The following CPA6 variants were observed in gnomAD, a reference collection of about 807,000 sequenced individuals.
CPA6 encodes the protein carboxypeptidase A6.
CPA6 carries 58 observed loss-of-function variants against 63.3 expected under a neutral mutation model. The ratio of observed to expected loss-of-function variants is 0.92; its 90% CI spans 0.74 to 1.14. The LOEUF (loss-of-function observed/expected upper bound fraction) is 1.14. CPA6 is among the 50% of genes most tolerant of loss of function. The pLI is 0.00. For missense variants in CPA6, 565 were observed against 526.6 expected, an observed-to-expected ratio of 1.07 and a Z score of -0.71; for synonymous variants, 185 against 179.0, an observed-to-expected ratio of 1.03 and a Z score of -0.27.
intron 1 of CPA6, among the ~76,000 whole-genome samples, chr8:67,734,141 G>C (rs1817769658): frequency 6.6e-6 from 1 of 151,644 alleles, no homozygotes; most frequent in African/African-American, 2.4e-5. Flanking sequence ...GCCTCTCAAA[G>C]TACTGGGATT....
At chr8:67,657,874 C>A (rs142531435) in intron 1 of CPA6, among the ~76,000 whole-genome samples, 30 of 152,260 alleles carry the variant, frequency 2.0e-4, no homozygotes, top group African/African-American at 7.2e-4. Context: ...CCAGGAGAGG[C>A]TTTGTGAGAT....
chr8:67,627,049 A>C (rs1815208383), intron 1 of CPA6, among the ~76,000 whole-genome samples: 1 of 152,146 alleles, frequency 6.6e-6, no homozygotes, highest in Non-Finnish European at 1.5e-5. Context: ...AGAAATTCTC[A>C]GGTGTGACTT....
intron 2 of CPA6, chr8:67,569,548 C>A: frequency 4.3e-6 from 2 of 463,460 alleles, no homozygotes; most frequent in Non-Finnish European, 8.9e-6. Context: ...AAATTCCACA[C>A]AGGCAACGAC....
intron 6 of CPA6, among the ~76,000 whole-genome samples, chr8:67,495,039 A>G (rs927468434): frequency 3.3e-5 from 5 of 152,174 alleles, no homozygotes; most frequent in Non-Finnish European, 7.3e-5. Context: ...CCCATTATCC[A>G]GTATCCACGG....
intron 8 of CPA6, among the ~76,000 whole-genome samples, chr8:67,449,395 A>C (rs1488504481): frequency 6.6e-6 from 1 of 152,252 alleles, no homozygotes; most frequent in Non-Finnish European, 1.5e-5. Flanking sequence ...GGCAAGAGAC[A>C]GTTCCCTTGC....
chr8:67,689,788 C>G (rs1386741658), intron 1 of CPA6, among the ~76,000 whole-genome samples: 1 of 152,132 alleles, frequency 6.6e-6, no homozygotes, highest in Non-Finnish European at 1.5e-5. Flanking sequence ...TGGGTATATA[C>G]CCAGTAATGG....
chr8:67,623,223 A>C (rs1033839815), intron 2 of CPA6, among the ~76,000 whole-genome samples: 1 of 152,232 alleles, frequency 6.6e-6, no homozygotes, highest in Non-Finnish European at 1.5e-5. Context: ...GAAGCTCTAG[A>C]AAACAGGAAA....
At chr8:67,630,459 A>G (rs1451281902) in intron 1 of CPA6, among the ~76,000 whole-genome samples, 1 of 152,120 alleles carries the variant, frequency 6.6e-6, no homozygotes, top group Non-Finnish European at 1.5e-5. Context: ...TTTCTTGTCA[A>G]AGTTATAGCA....
At chr8:67,672,106 A>G (rs1307919482) in intron 1 of CPA6, among the ~76,000 whole-genome samples, 1 of 152,174 alleles carries the variant, frequency 6.6e-6, no homozygotes, top group East Asian at 1.9e-4. Flanking sequence ...CTGGGATTAC[A>G]GGTGTGAGCC....
intron 2 of CPA6, among the ~76,000 whole-genome samples, chr8:67,575,625 G>A (rs560201330): frequency 6.6e-6 from 1 of 152,334 alleles, no homozygotes; most frequent in East Asian, 1.9e-4. Context: ...GGGAGGCCAA[G>A]GCGAGAGGAT....
chr8:67,428,685 G>A (rs1303989831), intron 9 of CPA6, among the ~76,000 whole-genome samples: 1 of 152,096 alleles, frequency 6.6e-6, no homozygotes, highest in Non-Finnish European at 1.5e-5. Context: ...GGGTTTCACC[G>A]TGTTAGCCAG....
At chr8:67,530,374 G>A (rs1321663988) in intron 2 of CPA6, among the ~76,000 whole-genome samples, 2 of 152,152 alleles carry the variant, frequency 1.3e-5, no homozygotes, top group Non-Finnish European at 2.9e-5. Context: ...GAAAGGGGCT[G>A]TTGAGTTCAC....
chr8:67,626,427 T>C (rs1028692789), intron 1 of CPA6, among the ~76,000 whole-genome samples: 2 of 152,172 alleles, frequency 1.3e-5, no homozygotes, highest in Non-Finnish European at 2.9e-5. Context: ...TGATAATAAA[T>C]TACTGTTTTA....
At chr8:67,596,101 C>T (rs189875765) in intron 2 of CPA6, among the ~76,000 whole-genome samples, 3 of 152,322 alleles carry the variant, frequency 2.0e-5, no homozygotes, top group Admixed American at 1.3e-4. Flanking sequence ...TCTCAACAAT[C>T]TTTAATTTTT....
chr8:67,469,893 C>T (rs568331785), intron 8 of CPA6, among the ~76,000 whole-genome samples: 1 of 152,266 alleles, frequency 6.6e-6, no homozygotes, highest in East Asian at 1.9e-4. Flanking sequence ...ATTCTAATCT[C>T]AGTGATTTGA....
chr8:67,538,135 G>T (rs751636587), intron 2 of CPA6, among the ~76,000 whole-genome samples: 3 of 152,196 alleles, frequency 2.0e-5, no homozygotes, highest in Non-Finnish European at 4.4e-5. Context: ...TAAATGTGAC[G>T]TGGTGCTGAG....
Position 67,484,798 on chromosome 8 carries a change from C to A in CPA6, c.637-9G>T. On this transcript the variant is annotated splice_polypyrimidine_tract_variant and intron_variant, in intron 6 of 10. Transcript: ENST00000297770. ...TTATATGTTAGAAGAGCCTAAAAGA[C>A]AAAGGTGAGATTTTTCTTTTAAATT... 6.7e-7 allele frequency: 1 copy of A among 1,483,102 alleles called. No individual in the cohort carries two copies. The highest frequency in any genetic ancestry group is 9.3e-7 in the Non-Finnish European group (1 of 1,070,198). The allele number at this position is 1,483,102 out of a possible 1,614,324, so 91.9% of individuals were successfully genotyped here.
chr8:67,651,323 G>C (rs1449398574), intron 1 of CPA6, among the ~76,000 whole-genome samples: 12 of 152,180 alleles, frequency 7.9e-5, no homozygotes, highest in African/African-American at 2.9e-4. Context: ...AGAATAGTGA[G>C]AGATTTTTGA....
At chr8:67,594,842 A>G (rs9772801) in intron 2 of CPA6, among the ~76,000 whole-genome samples, 15,244 of 152,162 alleles carry the variant, frequency 0.1, 862 homozygotes, top group Middle Eastern at 0.18. Flanking sequence ...CCTGTAGCTC[A>G]GAGTAGTTTG....
Sources: allele counts gnomAD v4.1 joint callset (sites outside exome capture counted in the v4.1 genomes callset), GRCh38; gene constraint gnomAD v4.1.1; transcripts MANE v1.5; gene names NCBI Gene and HGNC (gene_info 2026-07-23, HGNC 2026-07-21).